DGKI: variants seen among roughly 807,000 people sequenced by gnomAD.
The protein encoded by DGKI is diacylglycerol kinase iota, also known as DAG kinase iota.
A neutral mutation model predicts 147.5 loss-of-function variants in DGKI; 55 were observed. That is an observed-to-expected ratio of 0.37 (90% CI 0.30 to 0.47). The LOEUF is 0.47. Ranked by LOEUF, DGKI falls within the 20% of genes least tolerant of loss-of-function variation. The probability of loss-of-function intolerance (pLI) is 1.00; values close to 1 mark genes in which losing one functional copy is unlikely to be tolerated. For synonymous variants in DGKI, 469 were observed against 477.1 expected (o/e 0.98, Z 0.22); for missense variants, 1,007 against 1,323.8 (o/e 0.76, Z 3.71).
At chr7:137,609,118 C>A in intron 9 of DGKI, 54 bp from the exon 10 acceptor site, 7 of 1,457,166 alleles carry the variant, frequency 4.8e-6, no homozygotes, top group Middle Eastern at 1.7e-4. Flanking sequence ...TGAAAGGCAA[C>A]CCCAAGGCAA....
At chr7:137,447,504 T>C (rs2128918953) in intron 27 of DGKI, among the ~76,000 whole-genome samples, 1 of 152,268 alleles carries the variant, frequency 6.6e-6, no homozygotes, top group African/African-American at 2.4e-5. Context: ...CTTTGAAGAA[T>C]AAAGAGGAGC....
chr7:137,590,347 C>T (rs943320802), intron 12 of DGKI, among the ~76,000 whole-genome samples: 1 of 152,204 alleles, frequency 6.6e-6, no homozygotes, highest in Admixed American at 6.5e-5. Flanking sequence ...CTGGTAAGTG[C>T]TCAACCCGAC....
At chr7:137,422,595 CTTTTTTTTTTTTTT>C (rs60494368) in intron 28 of DGKI, among the ~76,000 whole-genome samples, 1,096 of 62,084 alleles carry the variant, frequency 0.018, 29 homozygotes, top group African/African-American at 0.067. Flanking sequence ...TTTTTCTTTT[CTTTTTTTTTTTTTT>C]TTTTTTTTTT....
chr7:137,615,401 A>G (rs2128995231), intron 8 of DGKI, among the ~76,000 whole-genome samples: 1 of 152,226 alleles, frequency 6.6e-6, no homozygotes, highest in African/African-American at 2.4e-5. Flanking sequence ...CTCCTACTGT[A>G]TACAATAGCA....
intron 4 of DGKI, among the ~76,000 whole-genome samples, chr7:137,655,449 T>TG: frequency 6.6e-6 from 1 of 152,258 alleles, no homozygotes; most frequent in Admixed American, 6.5e-5. Flanking sequence ...CCACCCATCT[T>TG]GGCCTCCCAA....
chr7:137,685,270 A>G (rs1468935275), intron 2 of DGKI, among the ~76,000 whole-genome samples: 1 of 152,222 alleles, frequency 6.6e-6, no homozygotes, highest in Non-Finnish European at 1.5e-5. Flanking sequence ...GAAGGAAAAC[A>G]AAATAAAATC....
At chr7:137,459,931 T>C (rs989406188) in intron 27 of DGKI, among the ~76,000 whole-genome samples, 9 of 152,178 alleles carry the variant, frequency 5.9e-5, no homozygotes, top group Non-Finnish European at 1.2e-4. Flanking sequence ...CACACAATCA[T>C]TTTTCCCTTG....
intron 10 of DGKI, among the ~76,000 whole-genome samples, chr7:137,603,297 C>A (rs184694122): frequency 6.6e-6 from 1 of 152,244 alleles, no homozygotes. Flanking sequence ...CATCAAAGCA[C>A]CATAACTCTA....
In DGKI at chr7:137,386,111, T is replaced by C. The variant is rs1811169421; in HGVS notation, c.*5109A>G. The stretch of plus-strand genomic sequence containing the variant: ...TATGCATTATGAAGATACCATTCAA[T>C]TTTCACGTTTCTATTTTAAAATCCA... On this transcript the variant is annotated 3_prime_UTR_variant, in exon 33 of 33. Coordinates refer to ENST00000614521, the MANE Select transcript of DGKI (RefSeq NM_001321708.2). 6.6e-6 allele frequency: 1 copy of C among 152,090 alleles called. No individual in the cohort carries two copies. Among genetic ancestry groups the C allele is most frequent in the South Asian group, 2.1e-4 (1 of 4,830 alleles). 9.4% of individuals were successfully genotyped at this position (152,090 alleles called of 1,614,324 possible).
chr7:137,407,615 A>T (rs769415175), intron 30 of DGKI, among the ~76,000 whole-genome samples: 8 of 152,170 alleles, frequency 5.3e-5, no homozygotes, highest in Non-Finnish European at 1.2e-4. Flanking sequence ...TTAAAAAAAA[A>T]AACTAATTAG....
At chr7:137,726,870 T>A (rs1256027430) in intron 1 of DGKI, among the ~76,000 whole-genome samples, 1 of 152,224 alleles carries the variant, frequency 6.6e-6, no homozygotes, top group Non-Finnish European at 1.5e-5. Context: ...GAATCTTCTC[T>A]TAAGCATACT....
chr7:137,656,221 T>C (rs543738267), intron 4 of DGKI, among the ~76,000 whole-genome samples: 1 of 152,368 alleles, frequency 6.6e-6, no homozygotes, highest in Non-Finnish European at 1.5e-5. Context: ...GGCTTTTCCA[T>C]CTAACTGTGT....
At chr7:137,761,230 T>C (rs1249818142) in intron 1 of DGKI, among the ~76,000 whole-genome samples, 1 of 152,198 alleles carries the variant, frequency 6.6e-6, no homozygotes, top group Admixed American at 6.5e-5. Context: ...TGCAAGCCCT[T>C]TGTAGCCTTT....
chr7:137,421,035 A>G (rs573024947), intron 28 of DGKI, among the ~76,000 whole-genome samples: 4 of 152,220 alleles, frequency 2.6e-5, no homozygotes, highest in South Asian at 4.2e-4. Flanking sequence ...AAAGAAAAAG[A>G]AAAAGAAAAA....
intron 21 of DGKI, among the ~76,000 whole-genome samples, chr7:137,509,446 C>T (rs1816500298): frequency 6.6e-6 from 1 of 152,040 alleles, no homozygotes; most frequent in African/African-American, 2.4e-5. Context: ...CCTCTGTGGC[C>T]AGTTGGATGG....
chr7:137,686,687 G>C (rs1269593541), intron 2 of DGKI, among the ~76,000 whole-genome samples: 1 of 152,194 alleles, frequency 6.6e-6, no homozygotes, highest in East Asian at 1.9e-4. Flanking sequence ...AAAACTGTCT[G>C]CTATAACAGC....
chr7:137,487,795 G>A, intron 21 of DGKI, 106 bp from the exon 22 acceptor site: 1 of 997,982 alleles, frequency 1.0e-6, no homozygotes, highest in Non-Finnish European at 1.5e-6. Context: ...AATATTATGG[G>A]TTTTTTAGAT....
At chr7:137,396,635 A>G (rs1811564481) in intron 31 of DGKI, among the ~76,000 whole-genome samples, 1 of 152,030 alleles carries the variant, frequency 6.6e-6, no homozygotes, top group Admixed American at 6.5e-5. Flanking sequence ...CCTCCATTCT[A>G]TTCATTTCTA....
intron 8 of DGKI, among the ~76,000 whole-genome samples, chr7:137,618,151 A>ATATATATATTTTTTTTT: frequency 1.9e-4 from 2 of 10,448 alleles, no homozygotes; most frequent in Non-Finnish European, 6.1e-4. Flanking sequence ...ATATATATAT[A>ATATATATATTTTTTTTT]TTTTTTTTTT....
Sources: gnomAD v4.1 joint callset for allele counts (sites outside exome capture counted in the v4.1 genomes callset) on GRCh38, gnomAD v4.1.1 for gene constraint, MANE v1.5 for transcripts, NCBI Gene and HGNC (gene_info 2026-07-23, HGNC 2026-07-21) for gene names.